ICA1: variants seen among roughly 807,000 people sequenced by gnomAD.
ICA1 encodes islet cell autoantigen 1.
Under a neutral mutation model 71.0 loss-of-function variants are expected in ICA1, and 40 were observed. The ratio of observed to expected loss-of-function variants is 0.56; its 90% confidence interval spans 0.44 to 0.73. The LOEUF is 0.73. Ranked by LOEUF, ICA1 falls within the 30% of genes least tolerant of loss-of-function variation. The pLI, the probability that ICA1 is intolerant of heterozygous loss-of-function variation, is 0.00. For missense variants in ICA1, 578 were observed against 576.5 expected, an observed-to-expected ratio of 1.00 and a Z score of -0.03; for synonymous variants, 207 against 209.5, an observed-to-expected ratio of 0.99 and a Z score of 0.10.
intron 6 of ICA1, among the ~76,000 whole-genome samples, chr7:8,171,232 G>A (rs1056545695): frequency 7.9e-5 from 12 of 151,530 alleles, no homozygotes; most frequent in East Asian, 5.8e-4. Context: ...TATTTCTTCC[G>A]TATATGTTTG....
intron 6 of ICA1, among the ~76,000 whole-genome samples, chr7:8,163,538 T>A (rs992061063): frequency 6.6e-6 from 1 of 152,162 alleles, no homozygotes; most frequent in Non-Finnish European, 1.5e-5. Context: ...TCAGCGAAGG[T>A]GTAACTATGA....
rs182920958 is a variant in ICA1, at chr7:8,208,668, A to C, written c.579+9637T>G. On this transcript the variant is annotated intron_variant, in intron 6 of 13. Coordinates refer to ENST00000402384, the MANE Select transcript of ICA1 (RefSeq NM_001136020.3). ...CTTAGGGATAAACTACAGAGGCGAG[A>C]GATAGTAACCAGTAAATCATACTAC... Among the ~76,000 whole-genome samples, 502 of 152,344 alleles carry C rather than the reference A, an allele frequency of 3.3e-3. 3 individuals are homozygous for C. Among genetic ancestry groups the C allele is most frequent in the Middle Eastern group, 0.014 (4 of 294 alleles).
intron 8 of ICA1, among the ~76,000 whole-genome samples, chr7:8,155,960 T>C (rs1801340619): frequency 6.6e-6 from 1 of 152,234 alleles, no homozygotes; most frequent in South Asian, 2.1e-4. Context: ...GAAGTGCTTA[T>C]AGTTGACAGA....
chr7:8,118,070 CTT>C (rs978819397), intron 13 of ICA1, among the ~76,000 whole-genome samples: 1 of 152,118 alleles, frequency 6.6e-6, no homozygotes, highest in Admixed American at 6.5e-5. Flanking sequence ...ACAGAGTACT[CTT>C]TTAAACCGTG....
rs775412759 is a variant in ICA1, at chr7:8,158,610, A to G, written c.622T>C (p.Leu208=). The change falls in exon 7 of 14, where the codon TTG becomes CTG. Residue 208 remains leucine (L), a synonymous_variant. Coordinates refer to ENST00000402384, the MANE Select transcript of ICA1 (RefSeq NM_001136020.3). Reference sequence around the variant, plus strand: ...ACTTTTTGACAAACATCCATCTTCAATTTGTCAAAGTTTTTTTTTGCAAGG... The same window carrying G: ...ACTTTTTGACAAACATCCATCTTCAGTTTGTCAAAGTTTTTTTTTGCAAGG... ...VRLAKKNFDK[L]KMDVCQKVDL... is the part of the protein sequence containing the mutation. 6.2e-7 allele frequency: 1 copy of G among 1,614,132 alleles called. No homozygotes were observed. The highest frequency in any genetic ancestry group is 1.1e-5 in the South Asian group (1 of 91,084).
At chr7:8,232,893 T>C in intron 2 of ICA1, 138 bp from the exon 3 acceptor site, 1 of 690,090 alleles carries the variant, frequency 1.4e-6, no homozygotes, top group Non-Finnish European at 2.2e-6. Context: ...AGCACTTTCT[T>C]ATCTGGGTGT....
intron 1 of ICA1, among the ~76,000 whole-genome samples, chr7:8,258,132 G>C (rs950828527): frequency 6.6e-6 from 1 of 152,180 alleles, no homozygotes; most frequent in Non-Finnish European, 1.5e-5. Flanking sequence ...ATTACCACCT[G>C]TGTCTCTATC....
intron 2 of ICA1, 114 bp from the exon 3 acceptor site, chr7:8,232,869 T>C (rs938604177): frequency 7.5e-5 from 66 of 884,044 alleles, no homozygotes; most frequent in Admixed American, 1.9e-4. Context: ...ATTTACAACA[T>C]TGATAAACGT....
At chr7:8,194,499 T>G (rs2128308012) in intron 6 of ICA1, among the ~76,000 whole-genome samples, 1 of 152,354 alleles carries the variant, frequency 6.6e-6, no homozygotes, top group African/African-American at 2.4e-5. Context: ...CATTTTAGCT[T>G]AATTAATTTT....
In ICA1 at chr7:8,141,814, T is replaced by A; in HGVS notation, c.906A>T (p.Leu302Phe). Reference protein sequence around the residue: ...TDAAVQEPSQLISLEEENQRK... With the variant: ...TDAAVQEPSQFISLEEENQRK... ...GCTGGTTTTCTTCCTCTAATGAAAT[T>A]AATCTTAAAATAAAAAAGAGGTTTA... is the stretch of plus-strand genomic sequence containing the variant. The change falls in exon 10 of 14, where the codon TTA (leucine) becomes TTT (phenylalanine). Residue 302 changes from leucine to phenylalanine, a missense_variant. Leu to Phe is a conservative substitution (Grantham distance 22). Coordinates refer to ENST00000402384, the MANE Select transcript of ICA1 (RefSeq NM_001136020.3). 2 of 1,563,660 alleles carry A rather than the reference T, an allele frequency of 1.3e-6. No homozygotes were observed. Among genetic ancestry groups the A allele is most frequent in the Non-Finnish European group, 8.8e-7 (1 of 1,141,890 alleles).
At chr7:8,121,622 G>C (rs1225453296) in intron 13 of ICA1, among the ~76,000 whole-genome samples, 2 of 152,202 alleles carry the variant, frequency 1.3e-5, no homozygotes, top group African/African-American at 4.8e-5. Context: ...TAGGGGATGG[G>C]GGTAGAAGGG....
intron 6 of ICA1, among the ~76,000 whole-genome samples, chr7:8,191,517 G>A (rs912489449): frequency 6.6e-5 from 10 of 152,182 alleles, no homozygotes; most frequent in African/African-American, 2.2e-4. Flanking sequence ...TTGCCCCACT[G>A]TAGGCTAATG....
intron 3 of ICA1, among the ~76,000 whole-genome samples, chr7:8,230,591 C>A (rs1356889700): frequency 6.6e-6 from 1 of 151,972 alleles, no homozygotes; most frequent in East Asian, 1.9e-4. Context: ...TTTGGTTCAG[C>A]CAAAATATAA....
chr7:8,143,971 C>A lies in ICA1; in HGVS notation c.806G>T (p.Ser269Ile). Residue 269 changes from serine to isoleucine, a missense_variant and splice_region_variant, in exon 9 of 14, where the codon AGC (serine) becomes ATC (isoleucine). By Grantham distance (142) the Ser-to-Ile change is moderately radical. Transcript: ENST00000402384. ...TAATTTTTTCATAGGGTCTTGTAAG[C>A]TCTTGATCACGAGCCATAGAAAAAT... ...YQPYEFTTLK[S>I]LQDPMKKLVE... 6.7e-7 allele frequency: 1 copy of A among 1,497,358 alleles called. No individual in the cohort carries two copies. Among genetic ancestry groups the A allele is most frequent in the Non-Finnish European group, 9.3e-7 (1 of 1,077,676 alleles). The allele number at this position is 1,497,358 out of a possible 1,614,324, so 92.8% of individuals were successfully genotyped here.
intron 6 of ICA1, among the ~76,000 whole-genome samples, chr7:8,200,338 C>CAAAAAAAAAAAAAAAAAAAAA (rs34371233): frequency 1.5e-5 from 1 of 67,964 alleles, no homozygotes; most frequent in Non-Finnish European, 2.6e-5. Context: ...CACAGTTGAG[C>CAAAAAAAAAAAAAAAAAAAAA]AAAAAAAAAA....
intron 12 of ICA1, among the ~76,000 whole-genome samples, chr7:8,136,466 G>A (rs895567081): frequency 6.6e-6 from 1 of 152,196 alleles, no homozygotes; most frequent in East Asian, 1.9e-4. Flanking sequence ...AAATTAATGA[G>A]TGTTCTTTTC....
intron 1 of ICA1, among the ~76,000 whole-genome samples, chr7:8,259,584 C>A (rs1004000172): frequency 6.6e-6 from 1 of 152,186 alleles, no homozygotes; most frequent in African/African-American, 2.4e-5. Flanking sequence ...TATTTAAAAG[C>A]GTGCAAAGCA....
At chr7:8,147,688 ACACACAC>A (rs1455073570) in intron 8 of ICA1, among the ~76,000 whole-genome samples, 5 of 364 alleles carry the variant, frequency 0.014, no homozygotes, top group Non-Finnish European at 0.019. Context: ...GCCAAGGGGA[ACACACAC>A]ACACACACAC....
chr7:8,209,977 G>A (rs1793074682), intron 6 of ICA1, among the ~76,000 whole-genome samples: 1 of 152,190 alleles, frequency 6.6e-6, no homozygotes, highest in Admixed American at 6.5e-5. Context: ...GCTGGGGTTG[G>A]GGGAGGTAGG....
Sources: gnomAD v4.1 joint callset for allele counts (sites outside exome capture counted in the v4.1 genomes callset) on GRCh38, gnomAD v4.1.1 for gene constraint, MANE v1.5 for transcripts, NCBI Gene and HGNC (gene_info 2026-07-23, HGNC 2026-07-21) for gene names.